The following SLC9A9 variants were observed in gnomAD, a reference collection of about 807,000 sequenced individuals.
SLC9A9 encodes sodium/hydrogen exchanger 9.
SLC9A9 carries 62 observed loss-of-function variants against 77.8 expected under a neutral mutation model. The ratio of observed to expected loss-of-function variants is 0.80; its 90% confidence interval spans 0.65 to 0.98. The LOEUF is 0.98. Ranked by LOEUF, SLC9A9 falls within the 50% of genes least tolerant of loss-of-function variation. SLC9A9 has a pLI of 0.00. For missense variants in SLC9A9, 775 were observed against 774.9 expected, an observed-to-expected ratio of 1.00 and a Z score of 0.00; for synonymous variants, 320 against 283.5, an observed-to-expected ratio of 1.13 and a Z score of -1.29.
At chr3:143,597,455 G>C (rs1271506396) in intron 6 of SLC9A9, among the ~76,000 whole-genome samples, 1 of 152,192 alleles carries the variant, frequency 6.6e-6, no homozygotes, top group Non-Finnish European at 1.5e-5. Context: ...CTGAAGGCAA[G>C]GGAGAACTGG....
intron 14 of SLC9A9, among the ~76,000 whole-genome samples, chr3:143,306,559 CT>C (rs936198141): frequency 1.3e-5 from 2 of 152,154 alleles, no homozygotes; most frequent in Non-Finnish European, 1.5e-5. Context: ...GGACAATGTT[CT>C]TTTTGATGAA....
intron 12 of SLC9A9, among the ~76,000 whole-genome samples, chr3:143,411,323 T>G (rs2034092896): frequency 6.6e-6 from 1 of 152,204 alleles, no homozygotes; most frequent in Non-Finnish European, 1.5e-5. Flanking sequence ...GACCAAATAT[T>G]TCTTTAGCTT....
chr3:143,387,644 G>A (rs1272731698), intron 12 of SLC9A9, among the ~76,000 whole-genome samples: 2 of 152,090 alleles, frequency 1.3e-5, no homozygotes, highest in African/African-American at 4.8e-5. Context: ...CATTTACAAT[G>A]AGCATCAAGC....
At chr3:143,401,723 T>G (rs1422106725) in intron 12 of SLC9A9, among the ~76,000 whole-genome samples, 1 of 152,128 alleles carries the variant, frequency 6.6e-6, no homozygotes. Flanking sequence ...CACAAGAAAT[T>G]CACATACAGG....
At chr3:143,316,725 G>T (rs1017987754) in intron 14 of SLC9A9, among the ~76,000 whole-genome samples, 9 of 152,184 alleles carry the variant, frequency 5.9e-5, no homozygotes, top group African/African-American at 1.9e-4. Context: ...AACTAGGCCT[G>T]CTGGGAATCA....
At chr3:143,766,582 G>A (rs2007324997) in intron 4 of SLC9A9, among the ~76,000 whole-genome samples, 1 of 151,184 alleles carries the variant, frequency 6.6e-6, no homozygotes, top group African/African-American at 2.5e-5. Flanking sequence ...AGTTTTTTTT[G>A]TTTTTGAGAC....
chr3:143,789,678 T>A (rs2008160710), intron 4 of SLC9A9, among the ~76,000 whole-genome samples: 1 of 151,916 alleles, frequency 6.6e-6, no homozygotes, highest in Non-Finnish European at 1.5e-5. Context: ...CCAGAACCTG[T>A]TCCAAGGGCA....
chr3:143,553,811 C>A (rs2036933695), intron 8 of SLC9A9, among the ~76,000 whole-genome samples: 1 of 152,146 alleles, frequency 6.6e-6, no homozygotes, highest in Non-Finnish European at 1.5e-5. Context: ...TTGGTAACTT[C>A]TCAGTTTCTT....
intron 14 of SLC9A9, among the ~76,000 whole-genome samples, chr3:143,349,443 A>C (rs1329420878): frequency 2.0e-5 from 3 of 152,174 alleles, no homozygotes; most frequent in East Asian, 3.9e-4. Context: ...ACATCCTTTA[A>C]TAATAATAAC....
At chr3:143,764,301 C>T (rs921165911) in intron 4 of SLC9A9, among the ~76,000 whole-genome samples, 15 of 152,168 alleles carry the variant, frequency 9.9e-5, no homozygotes, top group African/African-American at 3.1e-4. Context: ...TCAGGGTGAA[C>T]ATACCCTATT....
chr3:143,424,323 G>A (rs1253654309), intron 12 of SLC9A9, among the ~76,000 whole-genome samples: 1 of 150,674 alleles, frequency 6.6e-6, no homozygotes, highest in Non-Finnish European at 1.5e-5. Context: ...CTGGAGTGCA[G>A]TAGCACGATC....
chr3:143,683,286 G>C (rs529729246), intron 5 of SLC9A9, among the ~76,000 whole-genome samples: 30 of 152,138 alleles, frequency 2.0e-4, no homozygotes, highest in South Asian at 6.2e-4. Flanking sequence ...TGAGGAATTC[G>C]AATCTAAGTA....
chr3:143,685,984 A>C (rs940360802), intron 5 of SLC9A9, among the ~76,000 whole-genome samples: 1 of 152,202 alleles, frequency 6.6e-6, no homozygotes, highest in South Asian at 2.1e-4. Flanking sequence ...AAACTGATAA[A>C]GCCACTCAGC....
At chr3:143,529,965 G>A (rs1057315704) in intron 9 of SLC9A9, among the ~76,000 whole-genome samples, 10 of 152,106 alleles carry the variant, frequency 6.6e-5, no homozygotes, top group African/African-American at 1.9e-4. Context: ...GGAAACTGGG[G>A]TTGTGCTTGC....
intron 14 of SLC9A9, chr3:143,343,590 T>G (rs533862769): frequency 1.3e-5 from 2 of 152,168 alleles, no homozygotes; most frequent in Non-Finnish European, 2.9e-5. Flanking sequence ...AATGGTCTAG[T>G]GGAAGCTGAA....
chr3:143,718,315 TTCTC>T lies in SLC9A9; in HGVS notation c.534-25012_534-25009del, dbSNP rs1259603845. ...ACATTTTTCTATTCCTGTTACATAT[TTCTC>T]TCCCCCACACACAGGATTTTGAGAA... is the stretch of plus-strand genomic sequence containing the variant. On this transcript the variant is annotated intron_variant, in intron 4 of 15. Transcript: ENST00000316549. Among the ~76,000 whole-genome samples the T allele has an allele frequency of 2.0e-5, 3 of 152,336 alleles. No homozygotes were observed. In the East Asian group the frequency reaches 5.8e-4, roughly 29 times the overall value.
intron 9 of SLC9A9, among the ~76,000 whole-genome samples, chr3:143,536,204 C>T (rs1160599036): frequency 6.6e-6 from 1 of 152,144 alleles, no homozygotes; most frequent in African/African-American, 2.4e-5. Context: ...TTACTTTTGA[C>T]TCAATAGAGA....
intron 12 of SLC9A9, among the ~76,000 whole-genome samples, chr3:143,383,769 G>A (rs1250817302): frequency 1.3e-5 from 2 of 152,090 alleles, no homozygotes; most frequent in Non-Finnish European, 2.9e-5. Flanking sequence ...AGACATTTAG[G>A]GACTTTTCTT....
chr3:143,644,023 G>A (rs1207514745), intron 6 of SLC9A9, among the ~76,000 whole-genome samples: 1 of 151,264 alleles, frequency 6.6e-6, no homozygotes. Flanking sequence ...ACCTTCTCCT[G>A]CTTTCTAGAG....
Sources: allele counts gnomAD v4.1 joint callset (sites outside exome capture counted in the v4.1 genomes callset), GRCh38; gene constraint gnomAD v4.1.1; transcripts MANE v1.5; gene names NCBI Gene and HGNC (gene_info 2026-07-23, HGNC 2026-07-21).